The following SHPRH variants were observed in gnomAD, a reference collection of about 807,000 sequenced individuals.
SHPRH encodes the protein E3 ubiquitin-protein ligase SHPRH.
In SHPRH, 106 loss-of-function variants were observed where a neutral mutation model predicts 202.5. The ratio of observed to expected loss-of-function variants is 0.52; its 90% confidence interval spans 0.45 to 0.62. SHPRH has a LOEUF of 0.62. SHPRH is among the 20% of genes least tolerant of loss of function. The pLI, the probability that SHPRH is intolerant of heterozygous loss-of-function variation, is 0.00. For synonymous variants in SHPRH, 729 were observed against 686.0 expected (o/e 1.06, Z -0.98); for missense variants, 1,710 against 2,020.0 (o/e 0.85, Z 2.94).
At chr6:145,892,780 A>G (rs1434867679) in intron 28 of SHPRH, among the ~76,000 whole-genome samples, 1 of 152,114 alleles carries the variant, frequency 6.6e-6, no homozygotes, top group Non-Finnish European at 1.5e-5. Flanking sequence ...TAAGAATTTT[A>G]AAAGGAGCCA....
Position 145,945,759 on chromosome 6 carries a change from C to T in SHPRH, c.1322-122G>A, listed in dbSNP as rs1787305869. On this transcript the variant is annotated intron_variant, in intron 7 of 29. Coordinates refer to ENST00000275233, the MANE Select transcript of SHPRH (RefSeq NM_001042683.3). ...AAAGAAATAAATCAAAGATTTATTA[C>T]AGCAGAGTGCCATTTTGAAAAAATA... is the stretch of plus-strand genomic sequence containing the variant. 7.7e-6 allele frequency: 8 copies of T among 1,039,988 alleles called. No individual in the cohort carries two copies. The South Asian group carries it at 1.9e-4, about 25-fold the overall frequency. The allele number at this position is 1,039,988 out of a possible 1,614,324, so 64.4% of individuals were successfully genotyped here.
rs1381455039 is a variant in SHPRH at position 145,950,377 on chromosome 6, G to C, written c.869C>G (p.Ser290Cys). Residue 290 changes from serine to cysteine, a missense_variant, in exon 4 of 30, where the codon TCC becomes TGC. Physicochemically the swap from Ser to Cys is moderately radical, Grantham distance 112. Around this residue, in one of 8 missense-constraint regions of SHPRH, gnomAD observed 459 missense variants for 426.5 expected, o/e 1.08. Coordinates refer to ENST00000275233, the MANE Select transcript of SHPRH (RefSeq NM_001042683.3). ...VKQTHQQETQ[S>C]IQVDVQHPAL... is the part of the protein sequence containing the mutation. ...AGGATGCTGGACATCCACTTGGATG[G>C]ACTGCGTTTCTTGCTGATGTGTTTG... is the stretch of plus-strand genomic sequence containing the variant. The C allele has an allele frequency of 6.2e-7, 1 of 1,613,298 alleles. No individual in the cohort carries two copies. The highest frequency in any genetic ancestry group is 8.5e-7 in the Non-Finnish European group (1 of 1,179,474).
chr6:145,932,024 T>C (rs915828678), intron 14 of SHPRH, among the ~76,000 whole-genome samples: 1 of 152,072 alleles, frequency 6.6e-6, no homozygotes. Context: ...TCTATTGCTA[T>C]TCTATACTTT....
chr6:145,922,201 G>T, intron 20 of SHPRH, 85 bp downstream of exon 20: 1 of 1,153,794 alleles, frequency 8.7e-7, no homozygotes. Context: ...GTTACTGTGG[G>T]GGAAAACATA....
Position 145,864,932 on chromosome 6 carries a change from AACACACACACTCACAC to A in SHPRH, c.222-457_222-442del, listed in dbSNP as rs199987845. 7.1e-3 allele frequency among the ~76,000 whole-genome samples: 951 copies of A among 133,950 alleles called. 19 individuals carry two copies. Among genetic ancestry groups the A allele is most frequent in the East Asian group, 0.071 (334 of 4,718 alleles). 87.9% of individuals were successfully genotyped at this position (133,950 alleles called of 152,430 possible). A position where few individuals can be genotyped will look rare whatever the true frequency, so the allele number is the denominator to read the frequency against. On this transcript the variant is annotated intron_variant, in intron 2 of 2. Coordinates refer to the SHPRH transcript ENST00000417762. ...TTGAAACTATCAAATAAAATTTATA[AACACACACACTCACAC>A]ACACACACACACACACACACACACA...
intron 25 of SHPRH, among the ~76,000 whole-genome samples, chr6:145,895,696 T>C (rs192971145): frequency 1.2e-4 from 19 of 152,110 alleles, no homozygotes; most frequent in African/African-American, 1.9e-4. Flanking sequence ...CTCTTGGAGA[T>C]GGTATGACAG....
At chr6:145,962,426 T>C (rs1789186000) in intron 1 of SHPRH, among the ~76,000 whole-genome samples, 1 of 152,220 alleles carries the variant, frequency 6.6e-6, no homozygotes, top group Admixed American at 6.5e-5. Context: ...AAGTCTCTCT[T>C]ATCCACATTC....
intron 2 of SHPRH, chr6:145,864,508 T>A (rs948464842): frequency 3.3e-5 from 8 of 240,594 alleles, no homozygotes; most frequent in Non-Finnish European, 6.4e-5. Flanking sequence ...AAATAAAAAA[T>A]TAAAAATTAA....
Position 145,922,857 on chromosome 6 carries a change from A to G in SHPRH, c.3546-21T>C, listed in dbSNP as rs1348888129. 1.9e-6 allele frequency: 3 copies of G among 1,551,326 alleles called. No homozygotes were observed. The African/African-American group carries it at 4.2e-5, about 22-fold the overall frequency. ...GGAACCTGATTCCCACACCAGCACC[A>G]CACACAATACAAAGAAAAGAATAAT... is the stretch of plus-strand genomic sequence containing the variant. On this transcript the variant is annotated intron_variant, in intron 18 of 29. Coordinates refer to ENST00000275233, the MANE Select transcript of SHPRH (RefSeq NM_001042683.3).
intron 27 of SHPRH, among the ~76,000 whole-genome samples, chr6:145,893,627 A>C (rs773958929): frequency 1.9e-4 from 29 of 152,206 alleles, no homozygotes; most frequent in Non-Finnish European, 4.4e-5. Context: ...TAGAGGAATC[A>C]CAAGACAGAT....
intron 25 of SHPRH, among the ~76,000 whole-genome samples, chr6:145,896,192 C>T (rs1295899960): frequency 1.3e-5 from 2 of 152,030 alleles, no homozygotes. Flanking sequence ...CATGATTCTA[C>T]ACTTATTTTC....
At position 145,885,634 on chromosome 6, in the gene SHPRH, CAGA is replaced by C. The variant is rs1780934498; in HGVS notation, c.*1054_*1056del. Reference sequence around the variant, plus strand: ...AATTTCAAAGTCCATTAATTCCTCACAGAAGAAGAAACACTTCGTTATTATCAC... The same window carrying C: ...AATTTCAAAGTCCATTAATTCCTCACAGAAGAAACACTTCGTTATTATCAC... On this transcript the variant is annotated 3_prime_UTR_variant, in exon 30 of 30. Coordinates refer to ENST00000275233, the MANE Select transcript of SHPRH (RefSeq NM_001042683.3). 1 of 152,178 alleles carries C rather than the reference CAGA, an allele frequency of 6.6e-6. No homozygotes were observed. The highest frequency in any genetic ancestry group is 1.5e-5 in the Non-Finnish European group (1 of 68,030). The allele number at this position is 152,178 out of a possible 1,614,324, so 9.4% of individuals were successfully genotyped here.
intron 24 of SHPRH, among the ~76,000 whole-genome samples, chr6:145,911,806 A>G (rs1445532405): frequency 6.6e-6 from 1 of 152,128 alleles, no homozygotes; most frequent in Non-Finnish European, 1.5e-5. Flanking sequence ...ACTGAGGTAT[A>G]TAAGCTTGGT....
chr6:145,857,898 C>T, the SHPRH span, among the ~76,000 whole-genome samples: 5 of 152,084 alleles, frequency 3.3e-5, no homozygotes, highest in South Asian at 2.1e-4. Context: ...ACAATTAAAA[C>T]GTGTTTACAA....
At position 145,912,028 on chromosome 6, in the gene SHPRH, A is replaced by G. The variant is rs77712952; in HGVS notation, c.4327-1392T>C. Among the ~76,000 whole-genome samples, 764 of 152,058 alleles carry G rather than the reference A, an allele frequency of 5.0e-3. 4 individuals are homozygous for G. The highest frequency in any genetic ancestry group is 0.018 in the African/African-American group (742 of 41,510). On this transcript the variant is annotated intron_variant, in intron 24 of 29. Transcript: ENST00000275233. The stretch of plus-strand genomic sequence containing the variant: ...CTGGAAAGGAGTTTTGTGACTCACT[A>G]GAGCTCAAAATGGACCAACTAAACA...
intron 24 of SHPRH, among the ~76,000 whole-genome samples, chr6:145,912,279 G>A (rs978970524): frequency 6.6e-6 from 1 of 151,826 alleles, no homozygotes; most frequent in African/African-American, 2.4e-5. Context: ...AAAAAAATAC[G>A]GCTACTATAT....
At chr6:145,884,215 CATGTGATATGAAAGATAA>C (rs1428172332), downstream of SHPRH, 1 of 152,030 alleles carries the variant, frequency 6.6e-6, no homozygotes, top group Non-Finnish European at 1.5e-5. Flanking sequence ...GTTTGTTGTT[CATGTGATATGAAAGATAA>C]CAATTCCTAA....
rs1781719719 is a variant in SHPRH, at chr6:145,893,216, TTGTC to T, written c.4869_4872del (p.Thr1624AsnfsTer9). 2.6e-6 allele frequency: 4 copies of T among 1,517,372 alleles called. No individual in the cohort carries two copies. Among genetic ancestry groups the T allele is most frequent in the Non-Finnish European group, 3.5e-6 (4 of 1,135,166 alleles). 94.0% of individuals were successfully genotyped at this position (1,517,372 alleles called of 1,614,324 possible). On this transcript the variant is annotated frameshift_variant and splice_region_variant, in exon 28 of 30. Coordinates refer to ENST00000275233, the MANE Select transcript of SHPRH (RefSeq NM_001042683.3). LOFTEE classifies it high-confidence loss of function. ...ACTGATTCTAATTTTAGTCCTTACT[TTGTC>T]TGTCCAATTCGGTGCACCCTCCCTA...
intron 28 of SHPRH, among the ~76,000 whole-genome samples, chr6:145,891,215 C>T (rs1322400759): frequency 1.3e-5 from 2 of 152,158 alleles, no homozygotes; most frequent in African/African-American, 4.8e-5. Context: ...ACTTCAACTC[C>T]TGCTTCTCTC....
Sources: allele counts gnomAD v4.1 joint callset (sites outside exome capture counted in the v4.1 genomes callset), GRCh38; gene constraint gnomAD v4.1.1; regional missense constraint gnomAD v4.1.1; transcripts MANE v1.5; gene names NCBI Gene and HGNC (gene_info 2026-07-23, HGNC 2026-07-21).